NCKAP5: variants seen among roughly 807,000 people sequenced by gnomAD.
The protein encoded by NCKAP5 is NCK associated protein 5.
NCKAP5 carries 92 observed loss-of-function variants against 167.0 expected under a neutral mutation model. That is an observed-to-expected ratio of 0.55 (90% CI 0.47 to 0.66). NCKAP5 has a LOEUF of 0.66. Ranked by LOEUF, NCKAP5 falls within the 30% of genes least tolerant of loss-of-function variation. The probability of loss-of-function intolerance (pLI) is 0.00; values close to 1 mark genes in which losing one functional copy is unlikely to be tolerated. For missense variants in NCKAP5, 2,378 were observed against 2,315.0 expected (o/e 1.03, Z -0.56); for synonymous variants, 891 against 877.4 (o/e 1.02, Z -0.27).
At chr2:133,182,568 T>C (rs2084783841) in intron 5 of NCKAP5, among the ~76,000 whole-genome samples, 2 of 152,184 alleles carry the variant, frequency 1.3e-5, no homozygotes. Flanking sequence ...AAAATACATT[T>C]GACTGAATAA....
At chr2:132,937,566 A>C (rs1696950259) in intron 8 of NCKAP5, among the ~76,000 whole-genome samples, 1 of 152,178 alleles carries the variant, frequency 6.6e-6, no homozygotes. Context: ...TACGTTAGGA[A>C]TTAGGACCAG....
At chr2:133,661,950 A>T in the NCKAP5 span, among the ~76,000 whole-genome samples, 3 of 151,994 alleles carry the variant, frequency 2.0e-5, no homozygotes, top group Non-Finnish European at 4.4e-5. Flanking sequence ...TTCAATTCCC[A>T]CTTATAACTA....
At chr2:133,502,199 C>G (rs1312007931) in intron 3 of NCKAP5, among the ~76,000 whole-genome samples, 1 of 152,222 alleles carries the variant, frequency 6.6e-6, no homozygotes, top group Non-Finnish European at 1.5e-5. Flanking sequence ...ATATGTGCCT[C>G]TACTCAAATC....
chr2:133,152,622 A>G (rs1357196972), intron 5 of NCKAP5, among the ~76,000 whole-genome samples: 1 of 152,214 alleles, frequency 6.6e-6, no homozygotes, highest in Admixed American at 6.5e-5. Flanking sequence ...GGAATGAGCT[A>G]TCAAGCCATG....
intron 3 of NCKAP5, among the ~76,000 whole-genome samples, chr2:133,496,307 T>G (rs1306921638): frequency 6.6e-6 from 1 of 152,220 alleles, no homozygotes; most frequent in East Asian, 1.9e-4. Context: ...ATTACCTTTC[T>G]GAAAGTTCCA....
chr2:133,352,484 T>C (rs976623841), intron 3 of NCKAP5, among the ~76,000 whole-genome samples: 1 of 152,204 alleles, frequency 6.6e-6, no homozygotes, highest in Non-Finnish European at 1.5e-5. Flanking sequence ...TTATGAGGCA[T>C]AGAGAAGAGG....
At chr2:133,280,062 A>G (rs1482911126) in intron 4 of NCKAP5, among the ~76,000 whole-genome samples, 1 of 152,212 alleles carries the variant, frequency 6.6e-6, no homozygotes, top group Non-Finnish European at 1.5e-5. Flanking sequence ...ATGCATATAT[A>G]TACACATACA....
At chr2:133,069,192 G>A (rs1011136870) in intron 6 of NCKAP5, among the ~76,000 whole-genome samples, 4 of 152,096 alleles carry the variant, frequency 2.6e-5, no homozygotes, top group South Asian at 4.1e-4. Flanking sequence ...AGAAAATAAC[G>A]TACAAATGTA....
chr2:133,459,590 T>C (rs1045051703), intron 3 of NCKAP5, among the ~76,000 whole-genome samples: 9 of 152,202 alleles, frequency 5.9e-5, no homozygotes, highest in East Asian at 5.8e-4. Context: ...GATTTAACTT[T>C]AGTTATTAAA....
At chr2:133,630,313 G>C in the NCKAP5 span, among the ~76,000 whole-genome samples, 1 of 151,794 alleles carries the variant, frequency 6.6e-6, no homozygotes, top group Non-Finnish European at 1.5e-5. Context: ...CAGGAACATG[G>C]GGACACAGAG....
At chr2:133,470,355 G>T (rs1429502209) in intron 3 of NCKAP5, among the ~76,000 whole-genome samples, 1 of 152,154 alleles carries the variant, frequency 6.6e-6, no homozygotes, top group South Asian at 2.1e-4. Context: ...ACTTGAGGAG[G>T]CAGTCTGCCG....
intron 3 of NCKAP5, among the ~76,000 whole-genome samples, chr2:133,340,888 C>G (rs1180656194): frequency 1.3e-5 from 2 of 152,192 alleles, no homozygotes; most frequent in Non-Finnish European, 2.9e-5. Context: ...ATCTCAGCAG[C>G]CAGCTCACAT....
At chr2:133,270,092 C>T (rs1242833976) in intron 4 of NCKAP5, among the ~76,000 whole-genome samples, 1 of 152,148 alleles carries the variant, frequency 6.6e-6, no homozygotes, top group African/African-American at 2.4e-5. Context: ...TTAAAAATAA[C>T]TTACGTAAAG....
chr2:132,891,468 T>A, intron 8 of NCKAP5, among the ~76,000 whole-genome samples: 1 of 152,228 alleles, frequency 6.6e-6, no homozygotes, highest in East Asian at 1.9e-4. Context: ...ACTGCTTCTC[T>A]GGAACTGGGG....
At chr2:133,007,568 C>T (rs1047914906) in intron 6 of NCKAP5, among the ~76,000 whole-genome samples, 26 of 152,190 alleles carry the variant, frequency 1.7e-4, no homozygotes, top group East Asian at 1.9e-4. Context: ...GACTGACTTA[C>T]TGAATTTCTT....
At chr2:133,615,741 T>A in the NCKAP5 span, among the ~76,000 whole-genome samples, 24 of 152,112 alleles carry the variant, frequency 1.6e-4, no homozygotes, top group East Asian at 7.7e-4. Context: ...AGACAGATCA[T>A]CGAGACAGAA....
At chr2:132,854,811 A>T (rs1689334856) in intron 11 of NCKAP5, among the ~76,000 whole-genome samples, 1 of 152,144 alleles carries the variant, frequency 6.6e-6, no homozygotes, top group African/African-American at 2.4e-5. Context: ...AATGAAGAGG[A>T]GTGGCAGGGG....
At chr2:133,036,408 C>T (rs2079043053) in intron 6 of NCKAP5, among the ~76,000 whole-genome samples, 2 of 151,914 alleles carry the variant, frequency 1.3e-5, no homozygotes, top group African/African-American at 4.8e-5. Context: ...AATATTGATG[C>T]AAAAATCCTT....
chr2:133,491,829 G>A (rs1157071472), intron 3 of NCKAP5, among the ~76,000 whole-genome samples: 2 of 152,232 alleles, frequency 1.3e-5, no homozygotes, highest in Non-Finnish European at 2.9e-5. Context: ...CGTTAGGTCA[G>A]GAGTTCAGCA....
Sources: allele counts gnomAD v4.1 joint callset (sites outside exome capture counted in the v4.1 genomes callset), GRCh38; gene constraint gnomAD v4.1.1; transcripts MANE v1.5; gene names NCBI Gene and HGNC (gene_info 2026-07-23, HGNC 2026-07-21).